Variants in GPR21 observed in about 807,000 individuals in gnomAD.
GPR21 encodes the protein G protein-coupled receptor 21, also known as probable G protein-coupled receptor 21.
A neutral mutation model predicts 21.5 loss-of-function variants in GPR21; 9 were observed. That is an observed-to-expected ratio of 0.42 (90% confidence interval 0.25 to 0.73). The LOEUF is 0.73. Among genes scored for constraint, GPR21 ranks in the 30% least tolerant of loss-of-function variants. The pLI is 0.27. For synonymous variants in GPR21, 169 were observed against 159.3 expected (o/e 1.06, Z -0.46); for missense variants, 416 against 428.9 (o/e 0.97, Z 0.27).
At chr9:123,038,337 G>A (rs2032777632), downstream of GPR21, among the ~76,000 whole-genome samples, 1 of 151,972 alleles carries the variant, frequency 6.6e-6, no homozygotes, top group African/African-American at 2.4e-5. Flanking sequence ...TTGAATAATG[G>A]TCTCAGTATT....
chr9:123,036,276 A>G (rs985573056), downstream of GPR21, among the ~76,000 whole-genome samples: 1 of 152,228 alleles, frequency 6.6e-6, no homozygotes. Context: ...AAATTATACA[A>G]TTTATGAAAA....
chr9:123,043,423 T>C, the GPR21 span, among the ~76,000 whole-genome samples: 1 of 152,096 alleles, frequency 6.6e-6, no homozygotes, highest in African/African-American at 2.4e-5. Context: ...TTTGTGAGAT[T>C]TTTAGGGGAA....
At chr9:123,045,197 T>TG in the GPR21 span, among the ~76,000 whole-genome samples, 1 of 152,220 alleles carries the variant, frequency 6.6e-6, no homozygotes, top group Non-Finnish European at 1.5e-5. Context: ...GGCAATATTT[T>TG]GGGGAGAAAG....
chr9:123,042,992 A>G, the GPR21 span, among the ~76,000 whole-genome samples: 1 of 152,180 alleles, frequency 6.6e-6, no homozygotes, highest in Non-Finnish European at 1.5e-5. Context: ...TTTTTGCCAC[A>G]ATAAAGCTAG....
chr9:123,047,924 T>TG, the GPR21 span, among the ~76,000 whole-genome samples: 1 of 54,930 alleles, frequency 1.8e-5, no homozygotes, highest in South Asian at 5.0e-4. Flanking sequence ...GCTGGGTTTT[T>TG]TTTTTTTTTT....
chr9:123,047,708 C>A, the GPR21 span, among the ~76,000 whole-genome samples: 1 of 151,718 alleles, frequency 6.6e-6, no homozygotes, highest in Admixed American at 6.6e-5. Flanking sequence ...TATAAAAATT[C>A]AAAATTAAAA....
chr9:123,047,478 A>C, the GPR21 span, among the ~76,000 whole-genome samples: 1 of 152,210 alleles, frequency 6.6e-6, no homozygotes, highest in Non-Finnish European at 1.5e-5. Flanking sequence ...AGATACTAAT[A>C]TACTTTGCTT....
downstream of GPR21, among the ~76,000 whole-genome samples, chr9:123,040,188 T>C (rs149414582): frequency 5.3e-5 from 8 of 152,326 alleles, no homozygotes; most frequent in African/African-American, 1.9e-4. Flanking sequence ...CTCACTGTTC[T>C]CTACTTTATC....
the GPR21 span, among the ~76,000 whole-genome samples, chr9:123,048,248 A>G: frequency 6.6e-6 from 1 of 152,106 alleles, no homozygotes; most frequent in African/African-American, 2.4e-5. Context: ...CAACTGCTGT[A>G]TATTTTTGCT....
the GPR21 span, among the ~76,000 whole-genome samples, chr9:123,047,919 G>GTTTTTTTTTTTTTTTTT: frequency 9.6e-5 from 6 of 62,282 alleles, 2 homozygotes; most frequent in Non-Finnish European, 2.1e-4. Context: ...CAGCTGCTGG[G>GTTTTTTTTTTTTTTTTT]TTTTTTTTTT....
chr9:123,048,002 G>T, the GPR21 span, among the ~76,000 whole-genome samples: 1 of 139,206 alleles, frequency 7.2e-6, no homozygotes, highest in Non-Finnish European at 1.5e-5. Flanking sequence ...GCAATGGCGC[G>T]ATCTCGGCCC....
chr9:123,039,921 A>G (rs1474197365), downstream of GPR21, among the ~76,000 whole-genome samples: 15 of 152,070 alleles, frequency 9.9e-5, no homozygotes, highest in Non-Finnish European at 4.4e-5. Flanking sequence ...TTACCACACT[A>G]TTGGTCATGT....
the GPR21 span, among the ~76,000 whole-genome samples, chr9:123,047,039 A>G: frequency 6.6e-6 from 1 of 152,210 alleles, no homozygotes; most frequent in Non-Finnish European, 1.5e-5. Context: ...GAATAAGTCC[A>G]AAGGGTTATT....
downstream of GPR21, among the ~76,000 whole-genome samples, chr9:123,037,228 TC>T (rs2031495351): frequency 6.6e-6 from 1 of 152,232 alleles, no homozygotes; most frequent in South Asian, 2.1e-4. Context: ...TGGTTTTCCA[TC>T]ATGATGCCAG....
the GPR21 span, among the ~76,000 whole-genome samples, chr9:123,046,642 G>T: frequency 6.6e-6 from 1 of 152,210 alleles, no homozygotes; most frequent in Non-Finnish European, 1.5e-5. Context: ...CGTAGTGCTT[G>T]GCATGCAGTA....
the GPR21 span, among the ~76,000 whole-genome samples, chr9:123,042,458 CA>C: frequency 3.9e-5 from 6 of 152,018 alleles, no homozygotes; most frequent in Non-Finnish European, 7.4e-5. Context: ...AGAAAACAAC[CA>C]AAAAACCCAA....
downstream of GPR21, among the ~76,000 whole-genome samples, chr9:123,038,440 G>A (rs192743515): frequency 1.1e-4 from 17 of 152,242 alleles, 1 homozygote; most frequent in East Asian, 3.1e-3. Flanking sequence ...TAGACTCCCA[G>A]ATGGCCCAGA....
chr9:123,042,354 C>G, the GPR21 span, among the ~76,000 whole-genome samples: 1 of 152,150 alleles, frequency 6.6e-6, no homozygotes, highest in African/African-American at 2.4e-5. Flanking sequence ...GATAATTGCA[C>G]TTTTGAGAAA....
chr9:123,041,783 C>T, the GPR21 span, among the ~76,000 whole-genome samples: 1 of 152,162 alleles, frequency 6.6e-6, no homozygotes, highest in Non-Finnish European at 1.5e-5. Context: ...CTATTGACCA[C>T]AGTAACTACT....
Sources: gnomAD v4.1 joint callset for allele counts (sites outside exome capture counted in the v4.1 genomes callset) on GRCh38, gnomAD v4.1.1 for gene constraint, MANE v1.5 for transcripts, NCBI Gene and HGNC (gene_info 2026-07-23, HGNC 2026-07-21) for gene names.